SVEP1: variants seen among roughly 807,000 people sequenced by gnomAD.
SVEP1 encodes the protein sushi, von Willebrand factor type A, EGF and pentraxin domain containing 1.
A neutral mutation model predicts 367.3 loss-of-function variants in SVEP1; 164 were observed. That is an observed-to-expected ratio of 0.45 (90% CI 0.39 to 0.51). SVEP1 has a LOEUF of 0.51. Ranked by LOEUF, SVEP1 falls within the 20% of genes least tolerant of loss-of-function variation. The pLI, the probability that SVEP1 is intolerant of heterozygous loss-of-function variation, is 0.00. For missense variants in SVEP1, 4,117 were observed against 4,425.3 expected (o/e 0.93, Z 1.98); for synonymous variants, 1,666 against 1,611.6 (o/e 1.03, Z -0.81).
At chr9:110,547,865 G>C (rs1830239533) in intron 2 of SVEP1, among the ~76,000 whole-genome samples, 1 of 152,090 alleles carries the variant, frequency 6.6e-6, no homozygotes, top group Non-Finnish European at 1.5e-5. Flanking sequence ...ACTAAACCTA[G>C]AAACTCAACT....
chr9:110,524,323 C>T (rs1829914732), intron 3 of SVEP1, among the ~76,000 whole-genome samples: 1 of 152,060 alleles, frequency 6.6e-6, no homozygotes, highest in African/African-American at 2.4e-5. Context: ...GCTAGTGTTA[C>T]CCTGATACCT....
At chr9:110,550,181 G>C in intron 1 of SVEP1, 77 bp from the exon 2 acceptor site, 1 of 1,559,134 alleles carries the variant, frequency 6.4e-7, no homozygotes, top group Non-Finnish European at 8.7e-7. Context: ...ACGTAAGGCA[G>C]TACTTGCAAA....
intron 16 of SVEP1, 93 bp from the exon 17 acceptor site, chr9:110,469,194 G>T: frequency 7.8e-7 from 1 of 1,284,330 alleles, no homozygotes; most frequent in Non-Finnish European, 1.1e-6. Context: ...AATAAAGCAT[G>T]CTTGAAGGTG....
At chr9:110,538,171 A>T (rs898504986) in intron 3 of SVEP1, among the ~76,000 whole-genome samples, 1 of 152,016 alleles carries the variant, frequency 6.6e-6, no homozygotes, top group Non-Finnish European at 1.5e-5. Context: ...AAAATGCACT[A>T]TCAGGGCTGA....
At chr9:110,434,274 A>G in intron 30 of SVEP1, 62 bp downstream of exon 30, 15 of 1,507,536 alleles carry the variant, frequency 1.0e-5, no homozygotes, top group African/African-American at 1.4e-5. Context: ...CATTCCTGAA[A>G]AGAGTTATGT....
At chr9:110,495,492 G>A (rs1489252956) in intron 8 of SVEP1, among the ~76,000 whole-genome samples, 1 of 152,122 alleles carries the variant, frequency 6.6e-6, no homozygotes, top group African/African-American at 2.4e-5. Context: ...CACCTAAAGT[G>A]CATTCAGCCC....
chr9:110,389,681 C>G (rs906596990), intron 40 of SVEP1, 94 bp from the exon 41 acceptor site: 7 of 1,380,070 alleles, frequency 5.1e-6, no homozygotes, highest in Non-Finnish European at 6.1e-6. Flanking sequence ...GGCCTTGAAT[C>G]GCTCAGCACT....
At chr9:110,404,224 T>TGAAAA in intron 39 of SVEP1, 103 bp downstream of exon 39, 1 of 1,159,934 alleles carries the variant, frequency 8.6e-7, no homozygotes, top group East Asian at 2.4e-5. Context: ...GAGTGAAAAC[T>TGAAAA]TCAGACTTTT....
chr9:110,429,006 T>C (rs1284662627), intron 35 of SVEP1, 137 bp downstream of exon 35: 14 of 676,798 alleles, frequency 2.1e-5, no homozygotes, highest in East Asian at 2.9e-5. Context: ...GAGGCAGAGA[T>C]TGCAGTGAGC....
At chr9:110,389,152 A>C (rs1827581496) in intron 41 of SVEP1, among the ~76,000 whole-genome samples, 2 of 152,136 alleles carry the variant, frequency 1.3e-5, no homozygotes, top group African/African-American at 4.8e-5. Flanking sequence ...GACCAACAGC[A>C]CGTTAAAAGT....
chr9:110,492,074 A>G (rs924150352), intron 8 of SVEP1, among the ~76,000 whole-genome samples: 1 of 151,720 alleles, frequency 6.6e-6, no homozygotes. Flanking sequence ...GTCTGGAAAT[A>G]AAAGATGTTC....
At chr9:110,478,417 A>G (rs1359024618) in intron 13 of SVEP1, among the ~76,000 whole-genome samples, 20 of 152,340 alleles carry the variant, frequency 1.3e-4, no homozygotes, top group Non-Finnish European at 1.5e-5. Context: ...TATTTATTAA[A>G]TGAATACATA....
intron 31 of SVEP1, 56 bp downstream of exon 31, chr9:110,432,406 C>G: frequency 6.5e-7 from 1 of 1,534,114 alleles, no homozygotes; most frequent in South Asian, 1.3e-5. Flanking sequence ...TTTGGGATGA[C>G]TGTCATCTAC....
intron 37 of SVEP1, among the ~76,000 whole-genome samples, chr9:110,409,949 C>T (rs1194376065): frequency 6.6e-6 from 1 of 152,108 alleles, no homozygotes; most frequent in Admixed American, 6.6e-5. Flanking sequence ...TTGTTAAATG[C>T]TAGGTCGCTG....
At chr9:110,400,237 A>C (rs925991972) in intron 40 of SVEP1, among the ~76,000 whole-genome samples, 2 of 152,210 alleles carry the variant, frequency 1.3e-5, no homozygotes, top group African/African-American at 4.8e-5. Context: ...CCTGTTGCAG[A>C]ATATGATTAC....
intron 1 of SVEP1, among the ~76,000 whole-genome samples, chr9:110,573,464 T>G (rs991591432): frequency 5.9e-5 from 9 of 152,092 alleles, no homozygotes; most frequent in Non-Finnish European, 1.5e-5. Flanking sequence ...TGCCCACACA[T>G]TCCCAGTCCT....
At chr9:110,519,079 CCCA>C (rs1829843889) in intron 3 of SVEP1, among the ~76,000 whole-genome samples, 1 of 152,168 alleles carries the variant, frequency 6.6e-6, no homozygotes, top group Non-Finnish European at 1.5e-5. Flanking sequence ...TCCCCTGACT[CCCA>C]CCACATTTTT....
chr9:110,480,711 A>C (rs1829172272), intron 12 of SVEP1, among the ~76,000 whole-genome samples: 2 of 152,028 alleles, frequency 1.3e-5, no homozygotes, highest in South Asian at 4.1e-4. Flanking sequence ...AGTTCCCTGC[A>C]GTCTGAAACT....
chr9:110,485,693 T>C (rs1320718413), intron 9 of SVEP1, among the ~76,000 whole-genome samples: 2 of 152,164 alleles, frequency 1.3e-5, no homozygotes, highest in African/African-American at 4.8e-5. Context: ...TTGAGGGAGA[T>C]AGCAAAAACA....
Sources: gnomAD v4.1 joint callset for allele counts (sites outside exome capture counted in the v4.1 genomes callset) on GRCh38, gnomAD v4.1.1 for gene constraint, MANE v1.5 for transcripts, NCBI Gene and HGNC (gene_info 2026-07-23, HGNC 2026-07-21) for gene names.